Variants in GRID2 observed in about 807,000 individuals in gnomAD.
GRID2 encodes the protein glutamate receptor ionotropic, delta-2.
In GRID2, 33 loss-of-function variants were observed where a neutral mutation model predicts 114.8. That is an observed-to-expected ratio of 0.29 (90% CI 0.22 to 0.38). GRID2 has a LOEUF of 0.38. Among genes scored for constraint, GRID2 ranks in the 10% least tolerant of loss-of-function variants. The pLI is 1.00. For synonymous variants in GRID2, 505 were observed against 449.9 expected (o/e 1.12, Z -1.55); for missense variants, 1,184 against 1,257.7 (o/e 0.94, Z 0.89).
chr4:92,413,995 G>T (rs140959383), intron 1 of GRID2, among the ~76,000 whole-genome samples: 1 of 152,008 alleles, frequency 6.6e-6, no homozygotes, highest in Non-Finnish European at 1.5e-5. Context: ...TAACATAAAA[G>T]AACAAAAGGA....
At chr4:93,648,686 G>A (rs1722326127) in intron 14 of GRID2, among the ~76,000 whole-genome samples, 1 of 152,178 alleles carries the variant, frequency 6.6e-6, no homozygotes, top group Non-Finnish European at 1.5e-5. Flanking sequence ...TGGTTTCGCA[G>A]GCATGTATAA....
At chr4:92,554,248 C>G (rs535988428) in intron 1 of GRID2, among the ~76,000 whole-genome samples, 1 of 151,966 alleles carries the variant, frequency 6.6e-6, no homozygotes, top group Non-Finnish European at 1.5e-5. Flanking sequence ...CATTTATGAG[C>G]GGCAGTAAAC....
intron 10 of GRID2, among the ~76,000 whole-genome samples, chr4:93,453,359 AGTGT>A (rs1553932534): frequency 2.6e-4 from 32 of 121,314 alleles, no homozygotes; most frequent in African/African-American, 8.9e-4. Flanking sequence ...AGAGAGAGAG[AGTGT>A]GTGTATTTGT....
intron 1 of GRID2, among the ~76,000 whole-genome samples, chr4:92,561,665 T>C (rs1727109240): frequency 6.6e-6 from 1 of 152,204 alleles, no homozygotes; most frequent in Admixed American, 6.5e-5. Context: ...CTACATTGTT[T>C]AGCATTTCTG....
chr4:93,427,963 G>A (rs1769016028), intron 10 of GRID2, among the ~76,000 whole-genome samples: 1 of 151,976 alleles, frequency 6.6e-6, no homozygotes, highest in Non-Finnish European at 1.5e-5. Context: ...TCCTAGTTTA[G>A]AAGGGAAGAG....
At chr4:93,625,825 G>A (rs1018491569) in intron 13 of GRID2, among the ~76,000 whole-genome samples, 16 of 152,206 alleles carry the variant, frequency 1.1e-4, no homozygotes, top group African/African-American at 1.4e-4. Context: ...TGAGGCAGGA[G>A]AATGGCGTGA....
intron 1 of GRID2, among the ~76,000 whole-genome samples, chr4:92,390,864 C>T (rs930338326): frequency 6.6e-6 from 1 of 152,028 alleles, no homozygotes; most frequent in African/African-American, 2.4e-5. Context: ...GATAAAAGTT[C>T]CATGATGTCA....
intron 2 of GRID2, among the ~76,000 whole-genome samples, chr4:92,613,321 G>T (rs78109566): frequency 1.2e-4 from 18 of 151,236 alleles, no homozygotes; most frequent in Admixed American, 6.6e-5. Context: ...AATTTAGTTT[G>T]CCAATATTTT....
At chr4:92,936,601 A>G (rs1255363796) in intron 2 of GRID2, among the ~76,000 whole-genome samples, 1 of 145,970 alleles carries the variant, frequency 6.9e-6, no homozygotes, top group Non-Finnish European at 1.5e-5. Flanking sequence ...TTTTACCAGA[A>G]AACTTCAACA....
intron 2 of GRID2, among the ~76,000 whole-genome samples, chr4:92,820,574 G>T (rs1741214607): frequency 6.6e-6 from 1 of 152,096 alleles, no homozygotes; most frequent in African/African-American, 2.4e-5. Flanking sequence ...AGTCTTGGCT[G>T]CAATGAACTT....
rs144050390 is a variant in GRID2 at position 93,687,263 on chromosome 4, C to A, written c.2360+60828C>A. ...GTAGATATGGAAAATTGCAGAAATC[C>A]TAGGTTGCAATGGGGGTGGAAGGGA... On this transcript the variant is annotated intron_variant, in intron 14 of 15. Coordinates refer to ENST00000282020, the MANE Select transcript of GRID2 (RefSeq NM_001510.4). Among the ~76,000 whole-genome samples, 231 of 151,984 alleles carry A rather than the reference C, an allele frequency of 1.5e-3. 1 individual carries two copies. Among genetic ancestry groups the A allele is most frequent in the African/African-American group, 5.4e-3 (225 of 41,490 alleles).
At chr4:93,362,942 G>A (rs1216990367) in intron 8 of GRID2, among the ~76,000 whole-genome samples, 4 of 152,098 alleles carry the variant, frequency 2.6e-5, no homozygotes, top group Non-Finnish European at 5.9e-5. Context: ...ACCTGCAGCG[G>A]GGCACGGTGG....
intron 2 of GRID2, among the ~76,000 whole-genome samples, chr4:92,832,103 T>C (rs1342794958): frequency 6.6e-6 from 1 of 151,788 alleles, no homozygotes; most frequent in African/African-American, 2.4e-5. Context: ...ATTAAGAGAA[T>C]ACAAATATCA....
chr4:93,303,900 T>C (rs912284073), intron 8 of GRID2, among the ~76,000 whole-genome samples: 2 of 152,148 alleles, frequency 1.3e-5, no homozygotes, highest in Non-Finnish European at 2.9e-5. Flanking sequence ...AAAACAAATA[T>C]TGCTTTTTAA....
intron 1 of GRID2, among the ~76,000 whole-genome samples, chr4:92,481,735 TA>T (rs996731861): frequency 2.0e-5 from 3 of 151,778 alleles, no homozygotes; most frequent in Non-Finnish European, 4.4e-5. Flanking sequence ...TCCAATTATT[TA>T]AAGAATGATG....
At chr4:93,342,413 A>G (rs574569267) in intron 8 of GRID2, among the ~76,000 whole-genome samples, 21 of 152,236 alleles carry the variant, frequency 1.4e-4, no homozygotes, top group African/African-American at 5.1e-4. Context: ...ACTTCGCTTA[A>G]AATCCATTTC....
At chr4:92,618,770 A>C (rs1209654832) in intron 2 of GRID2, among the ~76,000 whole-genome samples, 1 of 151,680 alleles carries the variant, frequency 6.6e-6, no homozygotes, top group Non-Finnish European at 1.5e-5. Flanking sequence ...ATTCCGAGGT[A>C]ATTTATTACT....
intron 9 of GRID2, among the ~76,000 whole-genome samples, chr4:93,406,271 CA>C (rs1286721809): frequency 1.3e-5 from 2 of 152,104 alleles, no homozygotes; most frequent in Admixed American, 6.6e-5. Context: ...AGGTTGGAAA[CA>C]ACTAAATGAT....
intron 14 of GRID2, among the ~76,000 whole-genome samples, chr4:93,704,521 T>C (rs926850092): frequency 2.0e-5 from 3 of 152,210 alleles, no homozygotes; most frequent in African/African-American, 7.2e-5. Flanking sequence ...TTTGTCAATT[T>C]TGGCTTTTGT....
Sources: allele counts gnomAD v4.1 joint callset (sites outside exome capture counted in the v4.1 genomes callset), GRCh38; gene constraint gnomAD v4.1.1; transcripts MANE v1.5; gene names NCBI Gene and HGNC (gene_info 2026-07-23, HGNC 2026-07-21).